Variants in AFM observed in about 807,000 individuals in gnomAD.
AFM encodes afamin, also known as alpha-Alb.
AFM carries 82 observed loss-of-function variants against 68.7 expected under a neutral mutation model. The ratio of observed to expected loss-of-function variants is 1.19; its 90% CI spans 1.00 to 1.43. The LOEUF (loss-of-function observed/expected upper bound fraction) is 1.43. AFM is among the 40% of genes most tolerant of loss of function. The probability of loss-of-function intolerance (pLI) is 0.00; values close to 1 mark genes in which losing one functional copy is unlikely to be tolerated. For missense variants in AFM, 772 were observed against 701.8 expected, an observed-to-expected ratio of 1.10 and a Z score of -1.13; for synonymous variants, 250 against 234.2, an observed-to-expected ratio of 1.07 and a Z score of -0.61.
rs758722897 is a variant in AFM, at chr4:73,497,748, CA to C, written c.1289del (p.His430LeufsTer9). On this transcript the variant is annotated frameshift_variant and splice_region_variant, in exon 10 of 15. Coordinates refer to ENST00000226355, the MANE Select transcript of AFM (RefSeq NM_001133.2). LOFTEE classifies it high-confidence loss of function. Reference sequence around the variant, plus strand: ...TTTGGGGAAGGATGGTTTGAAATACCAGTATGTTGTTTGCACAAGTGGGCTA... The same window carrying C: ...TTTGGGGAAGGATGGTTTGAAATACCGTATGTTGTTTGCACAAGTGGGCTA... ...QNLGKDGLKYHYLIRLTKIAP... is the reference protein window; with the variant it reads ...QNLGKDGLKYXYLIRLTKIAP... 1 of 1,580,376 alleles carries C rather than the reference CA, an allele frequency of 6.3e-7. No homozygotes were observed. Among genetic ancestry groups the C allele is most frequent in the South Asian group, 1.1e-5 (1 of 88,408 alleles).
At chr4:73,482,231 G>A (rs760459335) in intron 1 of AFM, among the ~76,000 whole-genome samples, 25 of 152,282 alleles carry the variant, frequency 1.6e-4, no homozygotes, top group Non-Finnish European at 3.4e-4. Context: ...GGAACCTTTG[G>A]TTGTCCAACA....
At chr4:73,492,914 C>T (rs1157073571) in intron 8 of AFM, among the ~76,000 whole-genome samples, 1 of 148,410 alleles carries the variant, frequency 6.7e-6, no homozygotes, top group African/African-American at 2.5e-5. Flanking sequence ...TGGAAGCCTT[C>T]ATCTATAGAG....
rs367617247 is a variant in AFM, at chr4:73,487,581, ATG to A, written c.616-137_616-136del. 121 of 613,546 alleles carry A rather than the reference ATG, an allele frequency of 2.0e-4. 1 individual carries two copies. The East Asian group carries it at 3.4e-3, about 17-fold the overall frequency. The allele number at this position is 613,546 out of a possible 1,614,324, so 38.0% of individuals were successfully genotyped here. ...GCCGTAAGTGCATATTTCTTTTAAT[ATG>A]TGTGTTTACTGAAATAAAAATCCTG... On this transcript the variant is annotated intron_variant, in intron 5 of 14. Coordinates refer to ENST00000226355, the MANE Select transcript of AFM (RefSeq NM_001133.2).
rs750166404 is a variant in AFM at position 73,487,787 on chromosome 4, C to G, written c.679C>G (p.Leu227Val). The stretch of plus-strand genomic sequence containing the variant: ...TTATCAAAAACATGTCTGTGGGGCA[C>G]TTTTGAAATTTGGAACCAAAGTTGT... The part of the protein sequence containing the change: ...SSYQKHVCGA[L>V]LKFGTKVVHF... The change falls in exon 6 of 15, where the codon CTT becomes GTT. Residue 227 changes from leucine to valine, a missense_variant. Transcript: ENST00000226355. 1 of 1,612,866 alleles carries G rather than the reference C, an allele frequency of 6.2e-7. No homozygotes were observed. Among genetic ancestry groups the G allele is most frequent in the East Asian group, 2.2e-5 (1 of 44,832 alleles).
At chr4:73,486,502 G>A (rs1720906643) in intron 4 of AFM, among the ~76,000 whole-genome samples, 1 of 152,160 alleles carries the variant, frequency 6.6e-6, no homozygotes, top group African/African-American at 2.4e-5. Context: ...AGGTTGGTAT[G>A]CTCCTTGAAA....
At chr4:73,486,176 AT>A (rs1720898124) in intron 4 of AFM, 103 bp downstream of exon 4, 1 of 965,800 alleles carries the variant, frequency 1.0e-6, no homozygotes, top group Non-Finnish European at 1.5e-6. Context: ...TAATTTATTG[AT>A]TAATTGTTTC....
At chr4:73,497,386 G>A (rs4619861) in intron 9 of AFM, among the ~76,000 whole-genome samples, 138,430 of 152,162 alleles carry the variant, frequency 0.91, 64,414 homozygotes, top group East Asian at 1. Context: ...TTTAAATTCT[G>A]TTTTGTAATT....
intron 7 of AFM, among the ~76,000 whole-genome samples, chr4:73,490,920 C>T (rs79668002): frequency 2.3e-3 from 343 of 152,212 alleles, no homozygotes; most frequent in Non-Finnish European, 3.5e-3. Context: ...AACATGGTGC[C>T]GATCCCCATT....
chr4:73,488,101 A>G (rs1387170764), intron 6 of AFM, among the ~76,000 whole-genome samples: 1 of 152,130 alleles, frequency 6.6e-6, no homozygotes, highest in Non-Finnish European at 1.5e-5. Context: ...CCAGGGTTAT[A>G]AAACCCACAA....
chr4:73,502,715 T>C (rs1297530123), intron 13 of AFM, among the ~76,000 whole-genome samples: 1 of 152,176 alleles, frequency 6.6e-6, no homozygotes, highest in Non-Finnish European at 1.5e-5. Flanking sequence ...CTTTTCTGAG[T>C]GACACTTAGT....
At chr4:73,481,897 G>T (rs922712379) in intron 1 of AFM, 34 bp downstream of exon 1, 1 of 1,354,982 alleles carries the variant, frequency 7.4e-7, no homozygotes, top group South Asian at 1.3e-5. Context: ...GCTAAAGCAT[G>T]ACCAGTTAGG....
chr4:73,492,717 A>C (rs1286510095), intron 8 of AFM, among the ~76,000 whole-genome samples: 19 of 149,642 alleles, frequency 1.3e-4, no homozygotes, highest in Non-Finnish European at 2.7e-4. Flanking sequence ...AATTGCTTGA[A>C]CCTGGGAGGC....
Position 73,486,006 on chromosome 4 carries a change from T to C in AFM, c.415T>C (p.Phe139Leu), listed in dbSNP as rs1720892363. ...ATCTGATGTGGGATTTCTGCCTCCTTTCCCTACCCTGGATCCCGAAGAGAA... is the reference window on the plus strand; with the variant it reads ...ATCTGATGTGGGATTTCTGCCTCCTCTCCCTACCCTGGATCCCGAAGAGAA... Reference protein sequence around the residue: ...KKSDVGFLPPFPTLDPEEKCQ... With the variant: ...KKSDVGFLPPLPTLDPEEKCQ... Residue 139 changes from phenylalanine (F) to leucine (L), a missense_variant, in exon 4 of 15, where the codon TTC (phenylalanine) becomes CTC (leucine). Coordinates refer to ENST00000226355, the MANE Select transcript of AFM (RefSeq NM_001133.2). 6.2e-6 allele frequency: 10 copies of C among 1,614,004 alleles called. No homozygotes were observed. Among genetic ancestry groups the C allele is most frequent in the African/African-American group, 2.7e-5 (2 of 74,920 alleles).
intron 8 of AFM, 26 bp from the exon 9 acceptor site, chr4:73,495,274 A>C (rs41265663): frequency 0.027 from 42,293 of 1,553,534 alleles, 916 homozygotes; most frequent in African/African-American, 0.085. Flanking sequence ...TCTAATTTCT[A>C]ATATACAAAA....
intron 7 of AFM, 133 bp downstream of exon 7, chr4:73,488,892 A>G (rs1720990266): frequency 9.5e-6 from 8 of 846,452 alleles, no homozygotes; most frequent in Non-Finnish European, 1.3e-5. Context: ...GAATGAAAGC[A>G]TAAAATGAAA....
At position 73,492,079 on chromosome 4, in the gene AFM, T is replaced by C. The variant is rs1371046197; in HGVS notation, c.1051T>C (p.Phe351Leu). ...ACGAGATGCTGACCCAGACACCTTC[T>C]TTGCGAAGTAATATAACTCTTTATT... ...QERDADPDTFFAKFTFEYSRR... is the reference protein window; with the variant it reads ...QERDADPDTFLAKFTFEYSRR... Residue 351 changes from phenylalanine to leucine, a missense_variant, in exon 8 of 15, where the codon TTT becomes CTT. Physicochemically the swap from Phe to Leu is conservative, Grantham distance 22. Transcript: ENST00000226355. The C allele has an allele frequency of 1.2e-6, 2 of 1,606,404 alleles. No individual in the cohort carries two copies. Among genetic ancestry groups the C allele is most frequent in the African/African-American group, 2.7e-5 (2 of 74,316 alleles).
intron 13 of AFM, among the ~76,000 whole-genome samples, chr4:73,502,752 T>A (rs1014073613): frequency 6.6e-6 from 1 of 152,180 alleles, no homozygotes; most frequent in African/African-American, 2.4e-5. Context: ...GGGGTACATA[T>A]TACTAGTTTT....
chr4:73,486,919 T>A (rs1028780708), intron 4 of AFM, 48 bp from the exon 5 acceptor site: 2 of 1,576,134 alleles, frequency 1.3e-6, no homozygotes, highest in Non-Finnish European at 1.7e-6. Context: ...CATTGCTTCC[T>A]GTTTCTTCCC....
chr4:73,484,478 C>CTTTCTT (rs1342596123), intron 3 of AFM, 88 bp downstream of exon 3: 2 of 624,536 alleles, frequency 3.2e-6, no homozygotes, highest in Non-Finnish European at 5.0e-6. Flanking sequence ...TTCTTTCTTT[C>CTTTCTT]TTTCTTTCTT....
Sources: allele counts gnomAD v4.1 joint callset (sites outside exome capture counted in the v4.1 genomes callset), GRCh38; gene constraint gnomAD v4.1.1; transcripts MANE v1.5; gene names NCBI Gene and HGNC (gene_info 2026-07-23, HGNC 2026-07-21).